FAR1: variants seen among roughly 807,000 people sequenced by gnomAD.
FAR1 encodes male sterility domain-containing protein 2.
A neutral mutation model predicts 61.1 loss-of-function variants in FAR1; 22 were observed. That is an observed-to-expected ratio of 0.36 (90% CI 0.26 to 0.51). The LOEUF (loss-of-function observed/expected upper bound fraction) is 0.51. Ranked by LOEUF, FAR1 falls within the 20% of genes least tolerant of loss-of-function variation. FAR1 has a pLI of 0.95. For missense variants in FAR1, 359 were observed against 626.9 expected (o/e 0.57, Z 4.56); for synonymous variants, 206 against 209.7 (o/e 0.98, Z 0.15).
intron 1 of FAR1, among the ~76,000 whole-genome samples, chr11:13,671,772 T>A (rs1848007553): frequency 6.6e-6 from 1 of 152,186 alleles, no homozygotes; most frequent in Non-Finnish European, 1.5e-5. Context: ...AGGTCAGGAT[T>A]GGCAGAATCA....
chr11:13,681,557 TGA>T (rs1368718472), intron 1 of FAR1, among the ~76,000 whole-genome samples: 1 of 152,132 alleles, frequency 6.6e-6, no homozygotes, highest in African/African-American at 2.4e-5. Flanking sequence ...TCAGAAAAGG[TGA>T]GAGAGCTTTT....
Position 13,731,096 on chromosome 11 carries a change from T to G in FAR1, c.*2322T>G, listed in dbSNP as rs1487709898. ...TTCTTATTTCACTTAACTCATTTGA[T>G]TAAACTGTATTCTAAAACATTTGGG... On this transcript the variant is annotated 3_prime_UTR_variant, in exon 12 of 12. Transcript: ENST00000354817. 6.6e-6 allele frequency: 1 copy of G among 152,378 alleles called. No homozygotes were observed. Among genetic ancestry groups the G allele is most frequent in the Admixed American group, 6.6e-5 (1 of 15,260 alleles). 9.4% of individuals were successfully genotyped at this position (152,378 alleles called of 1,614,324 possible).
At chr11:13,678,842 G>A (rs909984943) in intron 1 of FAR1, among the ~76,000 whole-genome samples, 1 of 152,200 alleles carries the variant, frequency 6.6e-6, no homozygotes, top group East Asian at 1.9e-4. Context: ...ATGCTGCCTT[G>A]GAGGACTGAG....
At chr11:13,726,189 A>T (rs1178389899) in intron 10 of FAR1, among the ~76,000 whole-genome samples, 1 of 152,040 alleles carries the variant, frequency 6.6e-6, no homozygotes, top group Non-Finnish European at 1.5e-5. Flanking sequence ...TTCTATATAT[A>T]TATTAAGCCA....
At chr11:13,701,672 CATT>C (rs1848377194) in intron 3 of FAR1, among the ~76,000 whole-genome samples, 1 of 152,110 alleles carries the variant, frequency 6.6e-6, no homozygotes, top group Non-Finnish European at 1.5e-5. Flanking sequence ...AGTGCCAAAG[CATT>C]ACAGTGTGTT....
At chr11:13,684,600 C>T (rs1848166263) in intron 1 of FAR1, among the ~76,000 whole-genome samples, 1 of 152,152 alleles carries the variant, frequency 6.6e-6, no homozygotes, top group East Asian at 1.9e-4. Context: ...CTAACCTAAA[C>T]CTGCTAGACT....
intron 9 of FAR1, among the ~76,000 whole-genome samples, chr11:13,716,516 C>T (rs763990806): frequency 8.5e-5 from 13 of 152,110 alleles, no homozygotes; most frequent in Non-Finnish European, 1.9e-4. Context: ...AGCAAGGGGA[C>T]TGATGTTACT....
chr11:13,704,927 G>C lies in FAR1; in HGVS notation c.366-2973G>C, dbSNP rs560130330. 6.3e-4 allele frequency among the ~76,000 whole-genome samples: 96 copies of C among 152,248 alleles called. 2 individuals carry two copies. In the South Asian group the frequency reaches 0.019, roughly 30 times the overall value. Reference sequence around the variant, plus strand: ...AGTCTGCATTTTTAATAAACTGCTAGTTATATGTTATGCCAAGTATGAGAA... The same window carrying C: ...AGTCTGCATTTTTAATAAACTGCTACTTATATGTTATGCCAAGTATGAGAA... On this transcript the variant is annotated intron_variant, in intron 3 of 11. Coordinates refer to ENST00000354817, the MANE Select transcript of FAR1 (RefSeq NM_032228.6).
chr11:13,708,678 A>G (rs1219638111), intron 4 of FAR1, among the ~76,000 whole-genome samples: 2 of 152,098 alleles, frequency 1.3e-5, no homozygotes, highest in Admixed American at 6.5e-5. Context: ...AATCTTAGCA[A>G]CCAAGAAGTA....
intron 9 of FAR1, among the ~76,000 whole-genome samples, chr11:13,717,028 G>T (rs1047662430): frequency 5.5e-5 from 8 of 146,342 alleles, no homozygotes; most frequent in African/African-American, 2.0e-4. Context: ...TCAAGATGAA[G>T]GGTATTGTTG....
chr11:13,676,514 G>A (rs1848070941), intron 1 of FAR1, among the ~76,000 whole-genome samples: 1 of 152,192 alleles, frequency 6.6e-6, no homozygotes, highest in African/African-American at 2.4e-5. Flanking sequence ...TAATGCAGGA[G>A]CTTAGAAACT....
chr11:13,715,625 A>G (rs1180119738), intron 9 of FAR1, among the ~76,000 whole-genome samples: 2 of 152,080 alleles, frequency 1.3e-5, no homozygotes, highest in African/African-American at 4.8e-5. Context: ...CATAGTTATG[A>G]AAAAAAAGTT....
chr11:13,705,213 C>A (rs1338818163), intron 3 of FAR1, among the ~76,000 whole-genome samples: 3 of 152,084 alleles, frequency 2.0e-5, no homozygotes, highest in Non-Finnish European at 4.4e-5. Flanking sequence ...ATAACCAAAA[C>A]AATGAGAACA....
rs573258334 is a variant in FAR1, at chr11:13,694,398, A to AAC, written c.-7-360_-7-359dup. Among the ~76,000 whole-genome samples, 220 of 152,314 alleles carry AAC rather than the reference A, an allele frequency of 1.4e-3. 1 individual carries two copies. The highest frequency in any genetic ancestry group is 5.1e-3 in the African/African-American group (212 of 41,572). ...TTATAAATCCCTTTGGAGTCAGAGA[A>AAC]ACCATTCATTTGTGTTTAGGGTATA... On this transcript the variant is annotated intron_variant, in intron 1 of 11. Transcript: ENST00000354817.
chr11:13,713,956 T>G (rs1848529299), intron 8 of FAR1, among the ~76,000 whole-genome samples: 1 of 152,134 alleles, frequency 6.6e-6, no homozygotes, highest in Non-Finnish European at 1.5e-5. Flanking sequence ...GCGTTATATT[T>G]TAGTGACTAT....
At position 13,731,327 on chromosome 11, in the gene FAR1, AT is replaced by A. The variant is rs975972444; in HGVS notation, c.*2556del. 4 of 152,548 alleles carry A rather than the reference AT, an allele frequency of 2.6e-5. No homozygotes were observed. Among genetic ancestry groups the A allele is most frequent in the African/African-American group, 7.2e-5 (3 of 41,438 alleles). 9.4% of individuals were successfully genotyped at this position (152,548 alleles called of 1,614,324 possible). A position where few individuals can be genotyped will look rare whatever the true frequency, so the allele number is the denominator to read the frequency against. ...ATAAAGCTTGAAAGCAGGGAAAAGA[AT>A]TTCCTTTTCCCCCTTTTTTGTGTTG... On this transcript the variant is annotated 3_prime_UTR_variant, in exon 12 of 12. Coordinates refer to ENST00000354817, the MANE Select transcript of FAR1 (RefSeq NM_032228.6).
intron 1 of FAR1, among the ~76,000 whole-genome samples, chr11:13,670,924 C>T (rs979302402): frequency 1.3e-5 from 2 of 152,092 alleles, no homozygotes; most frequent in Non-Finnish European, 2.9e-5. Context: ...GAGGATAGGA[C>T]AAAAGGTTTG....
In FAR1 at chr11:13,717,119, A is replaced by G. The variant is rs59283821; in HGVS notation, c.1127+2439A>G. ...CATATTTCTTCTACATGGAAAGGAC[A>G]GTTGCTTCTTCCCCACTCATCCTGC... is the stretch of plus-strand genomic sequence containing the variant. On this transcript the variant is annotated intron_variant, in intron 9 of 11. Transcript: ENST00000354817. Among the ~76,000 whole-genome samples the G allele has an allele frequency of 7.2e-3, 1,101 of 151,962 alleles. 20 individuals carry two copies. Among genetic ancestry groups the G allele is most frequent in the African/African-American group, 0.025 (1,028 of 41,458 alleles).
At chr11:13,690,753 A>T (rs1448381725) in intron 1 of FAR1, among the ~76,000 whole-genome samples, 2 of 152,066 alleles carry the variant, frequency 1.3e-5, no homozygotes, top group Non-Finnish European at 2.9e-5. Context: ...CTCAGTTTCC[A>T]TATTAAAAAA....
Sources: allele counts gnomAD v4.1 joint callset (sites outside exome capture counted in the v4.1 genomes callset), GRCh38; gene constraint gnomAD v4.1.1; transcripts MANE v1.5; gene names NCBI Gene and HGNC (gene_info 2026-07-23, HGNC 2026-07-21).